VGF: variants seen among roughly 807,000 people sequenced by gnomAD.
VGF encodes the protein VGF nerve growth factor inducible, also known as neurosecretory protein VGF.
In VGF, 13 loss-of-function variants were observed where a neutral mutation model predicts 41.1. The observed-to-expected ratio is 0.32, with a 90% CI of 0.21 to 0.50. VGF has a LOEUF of 0.50. Ranked by LOEUF, VGF falls within the 20% of genes least tolerant of loss-of-function variation. The probability of loss-of-function intolerance (pLI) is 0.98; values close to 1 mark genes in which losing one functional copy is unlikely to be tolerated. For missense variants in VGF, 920 were observed against 882.1 expected, an observed-to-expected ratio of 1.04 and a Z score of -0.54; for synonymous variants, 473 against 418.3, an observed-to-expected ratio of 1.13 and a Z score of -1.60.
chr7:101,166,400 C>A (rs1160607899), upstream of VGF, among the ~76,000 whole-genome samples: 1 of 152,114 alleles, frequency 6.6e-6, no homozygotes, highest in Non-Finnish European at 1.5e-5. Flanking sequence ...CCCGCTGTGC[C>A]CCCTTCGGCC....
In VGF at chr7:101,163,326, C is replaced by T. The variant is rs774918232; in HGVS notation, c.1518G>A (p.Pro506=). 5.3e-6 allele frequency: 3 copies of T among 564,982 alleles called. No individual in the cohort carries two copies. Among genetic ancestry groups the T allele is most frequent in the Middle Eastern group, 7.5e-4 (1 of 1,330 alleles). 35.0% of individuals were successfully genotyped at this position (564,982 alleles called of 1,614,324 possible). A position where few individuals can be genotyped will look rare whatever the true frequency, so the allele number is the denominator to read the frequency against. Residue 506 remains proline, a synonymous_variant, in exon 2 of 2, where the codon CCG becomes CCA. Transcript: ENST00000249330. This position sits in a 1 kb window ranked among gnomAD's most constrained non-coding sequence, Gnocchi z 5.0. ...GAGCGGGGGCGGGGGGCGGGGGCTGCGGGGAGCGGACGTGGGTGGGGGCGG... is the reference window on the plus strand; with the variant it reads ...GAGCGGGGGCGGGGGGCGGGGGCTGTGGGGAGCGGACGTGGGTGGGGGCGG... ...AAPAPTHVRS[P]QPPPPAPAPA... is the part of the protein sequence containing the mutation.
rs781368212 is a variant in VGF at position 101,163,075 on chromosome 7, GCCT to G, written c.1766_1768del (p.Glu589del). 15 of 1,571,522 alleles carry G rather than the reference GCCT, an allele frequency of 9.5e-6. No homozygotes were observed. Among genetic ancestry groups the G allele is most frequent in the South Asian group, 3.5e-5 (3 of 86,648 alleles). On this transcript the variant is annotated inframe_deletion, in exon 2 of 2. Transcript: ENST00000249330. The surrounding 1 kb of genome is among the most constrained non-coding windows in gnomAD (Gnocchi z 5.0). ...CTGCAGCCGGCGCTCCTCCGCCTCCGCCTCCTCCTGCGCGCGCCGCGCCTGGGC... is the reference window on the plus strand; with the variant it reads ...CTGCAGCCGGCGCTCCTCCGCCTCCGCCTCCTGCGCGCGCCGCGCCTGGGC...
At position 101,163,218 on chromosome 7, in the gene VGF, C is replaced by G. The variant is rs768802897; in HGVS notation, c.1626G>C (p.Pro542=). The G allele has an allele frequency of 2.0e-6, 3 of 1,532,144 alleles. No individual in the cohort carries two copies. The highest frequency in any genetic ancestry group is 2.6e-6 in the Non-Finnish European group (3 of 1,144,276). The allele number at this position is 1,532,144 out of a possible 1,614,324, so 94.9% of individuals were successfully genotyped here. ...REEDEVYPPG[P]YHPFPNYIRP... ...GGATGTAGTTGGGGAAAGGGTGGTA[C>G]GGCCCTGGCGGGTACACCTCGTCCT... The change falls in exon 2 of 2, where the codon CCG becomes CCC. Residue 542 remains proline, a synonymous_variant. Coordinates refer to ENST00000249330, the MANE Select transcript of VGF (RefSeq NM_003378.4). The surrounding 1 kb of genome is among the most constrained non-coding windows in gnomAD (Gnocchi z 5.0).
Position 101,165,471 on chromosome 7 carries a change from CG to C in VGF, c.-119del. On this transcript the variant is annotated 5_prime_UTR_variant, in exon 1 of 2. Transcript: ENST00000249330. Reference sequence around the variant, plus strand: ...GTCCGCCTCGGCTCCGAGCGGTGGCCGGGGTAGGAGCGACGGTCGAGGTCTG... The same window carrying C: ...GTCCGCCTCGGCTCCGAGCGGTGGCCGGGTAGGAGCGACGGTCGAGGTCTG... 2 of 985,374 alleles carry C rather than the reference CG, an allele frequency of 2.0e-6. No homozygotes were observed. The highest frequency in any genetic ancestry group is 1.2e-6 in the Non-Finnish European group (1 of 829,952). 61.0% of individuals were successfully genotyped at this position (985,374 alleles called of 1,614,324 possible).
Position 101,163,858 on chromosome 7 carries a change from G to A in VGF, c.986C>T (p.Ser329Leu), listed in dbSNP as rs1334513873. 6.6e-7 allele frequency: 1 copy of A among 1,504,502 alleles called. No homozygotes were observed. Among genetic ancestry groups the A allele is most frequent in the Non-Finnish European group, 8.8e-7 (1 of 1,134,550 alleles). The allele number at this position is 1,504,502 out of a possible 1,614,324, so 93.2% of individuals were successfully genotyped here. A position where few individuals can be genotyped will look rare whatever the true frequency, so the allele number is the denominator to read the frequency against. The change falls in exon 2 of 2, where the codon TCG becomes TTG. Residue 329 changes from serine to leucine, a missense_variant. Transcript: ENST00000249330. This position sits in a 1 kb window ranked among gnomAD's most constrained non-coding sequence, Gnocchi z 5.0. ...AQEERLADLA[S>L]DLLLQYLLQG... ...CAGCAAATACTGGAGCAGCAGGTCCGAGGCGAGGTCGGCCAGCCGCTCTTC... is the reference window on the plus strand; with the variant it reads ...CAGCAAATACTGGAGCAGCAGGTCCAAGGCGAGGTCGGCCAGCCGCTCTTC...
At chr7:101,167,291 A>C (rs1797236324), upstream of VGF, among the ~76,000 whole-genome samples, 1 of 151,912 alleles carries the variant, frequency 6.6e-6, no homozygotes, top group Admixed American at 6.6e-5. The surrounding 1 kb of genome is among the most constrained non-coding windows in gnomAD (Gnocchi z 4.2). Flanking sequence ...GCAGGGGAGG[A>C]GGAAGGAATG....
chr7:101,167,134 C>T (rs1341009998), upstream of VGF, among the ~76,000 whole-genome samples: 4 of 152,138 alleles, frequency 2.6e-5, no homozygotes, highest in East Asian at 5.8e-4. This position sits in a 1 kb window ranked among gnomAD's most constrained non-coding sequence, Gnocchi z 4.2. Flanking sequence ...CCCCTCCCTA[C>T]ACACACACTC....
In VGF at chr7:101,163,363, G is replaced by T. The variant is rs1334622920; in HGVS notation, c.1481C>A (p.Pro494His). The T allele has an allele frequency of 3.9e-6, 6 of 1,536,230 alleles. No homozygotes were observed. The highest frequency in any genetic ancestry group is 5.2e-6 in the Non-Finnish European group (6 of 1,145,060). Residue 494 changes from proline (P) to histidine (H), a missense_variant, in exon 2 of 2, where the codon CCC becomes CAC. Transcript: ENST00000249330. This position sits in a 1 kb window ranked among gnomAD's most constrained non-coding sequence, Gnocchi z 5.0. ...GTGGGTGGGGGCGGGGGCGGCACGG[G>T]GGGGCGGCACGGGCTCGGGAGGGGC... is the stretch of plus-strand genomic sequence containing the variant. Reference protein sequence around the residue: ...KNAPPEPVPPPRAAPAPTHVR... With the variant: ...KNAPPEPVPPHRAAPAPTHVR...
rs1202126141 is a variant in VGF at position 101,163,321 on chromosome 7, G to C, written c.1523C>G (p.Pro508Arg). The C allele has an allele frequency of 2.1e-6, 3 of 1,433,004 alleles. No homozygotes were observed. Among genetic ancestry groups the C allele is most frequent in the Non-Finnish European group, 2.7e-6 (3 of 1,091,694 alleles). The allele number at this position is 1,433,004 out of a possible 1,614,324, so 88.8% of individuals were successfully genotyped here. The part of the protein sequence containing the change: ...PAPTHVRSPQ[P>R]PPPAPAPARD... ...TGCGGGAGCGGGGGCGGGGGGCGGG[G>C]GCTGCGGGGAGCGGACGTGGGTGGG... The change falls in exon 2 of 2, where the codon CCC (proline) becomes CGC (arginine). Residue 508 changes from proline to arginine, a missense_variant. Around this residue, in one of 3 missense-constraint regions of VGF, gnomAD observed 257 missense variants for 217.2 expected, o/e 1.18. Coordinates refer to ENST00000249330, the MANE Select transcript of VGF (RefSeq NM_003378.4). This position sits in a 1 kb window ranked among gnomAD's most constrained non-coding sequence, Gnocchi z 5.0.
Position 101,163,744 on chromosome 7 carries a change from G to T in VGF, c.1100C>A (p.Ala367Glu). ...CTCCCCGCCGCGTCTCTCCTGCTCC[G>T]CCTCCTCCTCCTCCCTTGCACTCTC... The part of the protein sequence containing the change: ...ERESAREEEE[A>E]EQERRGGEER... Residue 367 changes from alanine to glutamate, a missense_variant, in exon 2 of 2, where the codon GCG becomes GAG. By Grantham distance (107) the Ala-to-Glu change is moderately radical. Around this residue, in one of 3 missense-constraint regions of VGF, gnomAD observed 654 missense variants for 638.4 expected, o/e 1.02. Transcript: ENST00000249330. This position sits in a 1 kb window ranked among gnomAD's most constrained non-coding sequence, Gnocchi z 5.0. 2 of 1,532,674 alleles carry T rather than the reference G, an allele frequency of 1.3e-6. No homozygotes were observed. The highest frequency in any genetic ancestry group is 1.7e-6 in the Non-Finnish European group (2 of 1,144,888). The allele number at this position is 1,532,674 out of a possible 1,614,324, so 94.9% of individuals were successfully genotyped here. A position where few individuals can be genotyped will look rare whatever the true frequency, so the allele number is the denominator to read the frequency against.
At chr7:101,167,560 A>T (rs1797240582), upstream of VGF, among the ~76,000 whole-genome samples, 1 of 152,078 alleles carries the variant, frequency 6.6e-6, no homozygotes, top group Non-Finnish European at 1.5e-5. The surrounding 1 kb of genome is among the most constrained non-coding windows in gnomAD (Gnocchi z 4.2). Context: ...GAGGAGGATG[A>T]ATCAGAGAGA....
rs553243529 is a variant in VGF at position 101,164,225 on chromosome 7, G to T, written c.619C>A (p.Arg207Ser). 3.8e-6 allele frequency: 6 copies of T among 1,572,774 alleles called. No individual in the cohort carries two copies. In the African/African-American group the frequency reaches 6.7e-5, roughly 18 times the overall value. Residue 207 changes from arginine to serine, a missense_variant, in exon 2 of 2, where the codon CGC becomes AGC. Arg to Ser is a moderately radical substitution (Grantham distance 110, BLOSUM62 -1). Transcript: ENST00000249330. ...GCCTGGAACTCTCCCCAGGAAGCGCGCCATACGCGCTCTGGCCCCGGGCTC... is the reference window on the plus strand; with the variant it reads ...GCCTGGAACTCTCCCCAGGAAGCGCTCCATACGCGCTCTGGCCCCGGGCTC... ...LESPGPERVWRASWGEFQARV... is the reference protein window; with the variant it reads ...LESPGPERVWSASWGEFQARV...
chr7:101,164,595 GGC>G lies in VGF; in HGVS notation c.247_248del (p.Ala83ArgfsTer29). The G allele has an allele frequency of 6.3e-7, 1 of 1,599,926 alleles. No homozygotes were observed. Among genetic ancestry groups the G allele is most frequent in the Non-Finnish European group, 8.5e-7 (1 of 1,175,592 alleles). ...LFQGVDPRALAAVLLQALDRP... is the reference protein window; with the variant it reads ...LFQGVDPRALXAVLLQALDRP... ...GGTCGAGTGCCTGCAGCAGCACCGC[GGC>G]CAGCGCCCGGGGATCCACGCCCTGG... On this transcript the variant is annotated frameshift_variant, in exon 2 of 2. Coordinates refer to ENST00000249330, the MANE Select transcript of VGF (RefSeq NM_003378.4). LOFTEE classifies it high-confidence loss of function.
rs1797123717 is a variant in VGF at position 101,162,551 on chromosome 7, C to T, written c.*445G>A. ...CTTTTATTTCTTAGCAAAACTATTT[C>T]CTCCGTGAGGGGTATTTACAACAGA... On this transcript the variant is annotated 3_prime_UTR_variant, in exon 2 of 2. Coordinates refer to ENST00000249330, the MANE Select transcript of VGF (RefSeq NM_003378.4). This position sits in a 1 kb window ranked among gnomAD's most constrained non-coding sequence, Gnocchi z 4.2. 2 of 257,350 alleles carry T rather than the reference C, an allele frequency of 7.8e-6. No individual in the cohort carries two copies. The highest frequency in any genetic ancestry group is 6.3e-5 in the South Asian group (2 of 31,766). The allele number at this position is 257,350 out of a possible 1,614,324, so 15.9% of individuals were successfully genotyped here.
chr7:101,169,488 A>G (rs1439753254), upstream of VGF, among the ~76,000 whole-genome samples: 4 of 152,074 alleles, frequency 2.6e-5, no homozygotes, highest in Non-Finnish European at 5.9e-5. Context: ...ACTTACACAA[A>G]CACAATGTCA....
rs1219191617 is a variant in VGF, at chr7:101,162,914, C to T, written c.*82G>A. ...GCAGGGCCGGGGCGCATGCAAACACCGAGGGGGAGCGGGCAACACGGAGGG... is the reference window on the plus strand; with the variant it reads ...GCAGGGCCGGGGCGCATGCAAACACTGAGGGGGAGCGGGCAACACGGAGGG... On this transcript the variant is annotated 3_prime_UTR_variant, in exon 2 of 2. Transcript: ENST00000249330. This position sits in a 1 kb window ranked among gnomAD's most constrained non-coding sequence, Gnocchi z 4.2. 5.6e-6 allele frequency: 4 copies of T among 719,220 alleles called. No individual in the cohort carries two copies. Among genetic ancestry groups the T allele is most frequent in the Non-Finnish European group, 6.1e-6 (3 of 488,212 alleles). 44.6% of individuals were successfully genotyped at this position (719,220 alleles called of 1,614,324 possible).
At chr7:101,168,795 G>T (rs1046002788), upstream of VGF, among the ~76,000 whole-genome samples, 1 of 152,136 alleles carries the variant, frequency 6.6e-6, no homozygotes, top group Non-Finnish European at 1.5e-5. Context: ...GAAAGAGAGA[G>T]CAGGGGCTTG....
rs765837483 is a variant in VGF at position 101,163,124 on chromosome 7, G to A, written c.1720C>T (p.Arg574Cys). The A allele has an allele frequency of 5.0e-6, 8 of 1,584,344 alleles. 1 individual carries two copies. Among genetic ancestry groups the A allele is most frequent in the South Asian group, 2.3e-5 (2 of 88,060 alleles). ...RHYHHALPPS[R>C]HYPGREAQAR... ...TGGGCCTCCCGGCCGGGATAGTGGC[G>A]CGAAGGCGGCAAGGCGTGGTGGTAG... is the stretch of plus-strand genomic sequence containing the variant. The change falls in exon 2 of 2, where the codon CGC becomes TGC. Residue 574 changes from arginine to cysteine, a missense_variant. By Grantham distance (180) the Arg-to-Cys change is radical (BLOSUM62 -3). Coordinates refer to ENST00000249330, the MANE Select transcript of VGF (RefSeq NM_003378.4). This position sits in a 1 kb window ranked among gnomAD's most constrained non-coding sequence, Gnocchi z 5.0.
Position 101,165,541 on chromosome 7 carries a change from C to G in VGF, c.-188G>C, listed in dbSNP as rs1163690976. On this transcript the variant is annotated 5_prime_UTR_variant, in exon 1 of 2. Transcript: ENST00000249330. ...TCAGCTGGGTCGGCGCGGCTCCGGG[C>G]GGCTAGCTCGCTCCGGCTTCAGCAC... The G allele has an allele frequency of 1.0e-6, 1 of 985,418 alleles. No individual in the cohort carries two copies. The highest frequency in any genetic ancestry group is 1.1e-4 in the East Asian group (1 of 8,774). The allele number at this position is 985,418 out of a possible 1,614,324, so 61.0% of individuals were successfully genotyped here. A position where few individuals can be genotyped will look rare whatever the true frequency, so the allele number is the denominator to read the frequency against.
Sources: allele counts gnomAD v4.1 joint callset (sites outside exome capture counted in the v4.1 genomes callset), GRCh38; gene constraint gnomAD v4.1.1; regional missense constraint gnomAD v4.1.1; non-coding constraint Gnocchi (gnomAD v3.1); transcripts MANE v1.5; gene names NCBI Gene and HGNC (gene_info 2026-07-23, HGNC 2026-07-21).